Variants in NSMCE1 observed in about 807,000 individuals in gnomAD.
NSMCE1 encodes NSE1 component of SMC5/6 complex.
NSMCE1 carries 18 observed loss-of-function variants against 29.6 expected under a neutral mutation model. That is an observed-to-expected ratio of 0.61 (90% CI 0.42 to 0.90). NSMCE1 has a LOEUF of 0.90. Among genes scored for constraint, NSMCE1 ranks in the 40% least tolerant of loss-of-function variants. The probability of loss-of-function intolerance (pLI) is 0.00; values close to 1 mark genes in which losing one functional copy is unlikely to be tolerated. For missense variants in NSMCE1, 314 were observed against 343.6 expected (o/e 0.91, Z 0.68); for synonymous variants, 124 against 133.4 (o/e 0.93, Z 0.49).
intron 2 of NSMCE1, among the ~76,000 whole-genome samples, chr16:27,254,866 CTTTTTTTTTTTTT>C (rs61088115): frequency 1.1e-4 from 5 of 46,894 alleles, no homozygotes; most frequent in African/African-American, 3.6e-4. Flanking sequence ...TCCAACCATG[CTTTTTTTTTTTTT>C]TTTTTTTTTT....
intron 6 of NSMCE1, 184 bp downstream of exon 6, chr16:27,226,536 T>C (rs1596667167): frequency 1.8e-6 from 1 of 563,238 alleles, no homozygotes; most frequent in East Asian, 2.9e-5. Context: ...AGTGCGTCCC[T>C]GCGGGGCACA....
At position 27,232,145 on chromosome 16, in the gene NSMCE1, C is replaced by T. The variant is rs1459705233; in HGVS notation, c.483+856G>A. On this transcript the variant is annotated intron_variant, in intron 5 of 7. Coordinates refer to ENST00000361439, the MANE Select transcript of NSMCE1 (RefSeq NM_145080.4). This position sits in a 1 kb window ranked among gnomAD's most constrained non-coding sequence, Gnocchi z 4.5. ...AGGAAGCGGAGAATCGCTGCAGCCA[C>T]AAGCAGCAGCCTCTGGCCACGAGTC... Among the ~76,000 whole-genome samples, 1 of 152,184 alleles carries T rather than the reference C, an allele frequency of 6.6e-6. No homozygotes were observed. The highest frequency in any genetic ancestry group is 1.5e-5 in the Non-Finnish European group (1 of 68,036).
At chr16:27,236,292 C>CTTTTTT (rs35108912) in intron 2 of NSMCE1, among the ~76,000 whole-genome samples, 3 of 92,154 alleles carry the variant, frequency 3.3e-5, no homozygotes, top group Non-Finnish European at 4.0e-5. Context: ...TGCTGTGAAA[C>CTTTTTT]TTTTTTTTTT....
At chr16:27,238,972 C>A (rs1157637070) in intron 2 of NSMCE1, among the ~76,000 whole-genome samples, 3 of 151,862 alleles carry the variant, frequency 2.0e-5, no homozygotes, top group Middle Eastern at 3.2e-3. Flanking sequence ...CAGGTTCAAG[C>A]GATCCTCCTG....
intron 3 of NSMCE1, 85 bp downstream of exon 3, chr16:27,235,093 A>C: frequency 1.5e-6 from 2 of 1,345,748 alleles, no homozygotes; most frequent in South Asian, 2.6e-5. Flanking sequence ...TCCAAAAGAG[A>C]AATCAAACCA....
At chr16:27,265,161 C>T (rs1353180048) in intron 1 of NSMCE1, among the ~76,000 whole-genome samples, 6 of 82,674 alleles carry the variant, frequency 7.3e-5, no homozygotes, top group Non-Finnish European at 6.6e-5. Context: ...AATTCTTTTC[C>T]TTTTTTTTTT....
chr16:27,225,681 C>T (rs1371535755), intron 7 of NSMCE1, 45 bp downstream of exon 7: 1 of 1,610,706 alleles, frequency 6.2e-7, no homozygotes, highest in East Asian at 2.2e-5. Context: ...GGCCCCACGT[C>T]CTGCTGGCCC....
intron 5 of NSMCE1, among the ~76,000 whole-genome samples, chr16:27,230,108 C>T (rs2083747173): frequency 6.6e-6 from 1 of 151,556 alleles, no homozygotes; most frequent in South Asian, 2.1e-4. Context: ...CGCCGATCAG[C>T]AGACGCCCAG....
chr16:27,243,099 A>G (rs1461309530), intron 2 of NSMCE1, among the ~76,000 whole-genome samples: 1 of 152,250 alleles, frequency 6.6e-6, no homozygotes, highest in Non-Finnish European at 1.5e-5. Context: ...AGAAGGCAGC[A>G]CTGCTCTGCT....
intron 1 of NSMCE1, chr16:27,258,259 C>G (rs1188493248): frequency 6.6e-6 from 1 of 152,226 alleles, no homozygotes; most frequent in Non-Finnish European, 1.5e-5. Context: ...CCACAAAGAT[C>G]ACAGTTAATA....
At chr16:27,251,179 TATATATATATAA>T (rs1158735423) in intron 2 of NSMCE1, among the ~76,000 whole-genome samples, 615 of 53,404 alleles carry the variant, frequency 0.012, 2 homozygotes, top group African/African-American at 0.097. Flanking sequence ...TATATATATA[TATATATATATAA>T]ATATATATAT....
chr16:27,240,776 A>C (rs953021338), intron 2 of NSMCE1, among the ~76,000 whole-genome samples: 3 of 152,212 alleles, frequency 2.0e-5, no homozygotes, highest in African/African-American at 4.8e-5. Context: ...CTTTTCTTTT[A>C]AAATTAAATT....
intron 1 of NSMCE1, among the ~76,000 whole-genome samples, chr16:27,260,481 G>T (rs2084142470): frequency 6.6e-6 from 1 of 152,032 alleles, no homozygotes; most frequent in Non-Finnish European, 1.5e-5. Flanking sequence ...AGTAAGTCAG[G>T]AGAAATAATC....
At chr16:27,248,335 C>T (rs1407534600) in intron 2 of NSMCE1, among the ~76,000 whole-genome samples, 1 of 151,892 alleles carries the variant, frequency 6.6e-6, no homozygotes, top group Non-Finnish European at 1.5e-5. Flanking sequence ...CCAATACTTG[C>T]CTTGCAGAGT....
At chr16:27,231,359 G>A (rs539079394) in intron 5 of NSMCE1, among the ~76,000 whole-genome samples, 2 of 152,330 alleles carry the variant, frequency 1.3e-5, no homozygotes, top group South Asian at 2.1e-4. Context: ...GCCTGTGGCC[G>A]GGCACGCTGG....
intron 5 of NSMCE1, among the ~76,000 whole-genome samples, chr16:27,231,796 C>T (rs1327423364): frequency 3.3e-5 from 5 of 152,204 alleles, no homozygotes; most frequent in Non-Finnish European, 7.3e-5. Flanking sequence ...AGTCCCCAAA[C>T]CGGGGCCTGA....
chr16:27,258,564 C>G (rs143947490), intron 1 of NSMCE1, among the ~76,000 whole-genome samples: 1 of 152,294 alleles, frequency 6.6e-6, no homozygotes, highest in African/African-American at 2.4e-5. Flanking sequence ...ATACAGCAGG[C>G]AAACATTTTT....
At chr16:27,248,328 A>G (rs923127453) in intron 2 of NSMCE1, among the ~76,000 whole-genome samples, 1 of 151,738 alleles carries the variant, frequency 6.6e-6, no homozygotes, top group Non-Finnish European at 1.5e-5. Context: ...GTTCTCACCA[A>G]TACTTGCCTT....
At chr16:27,247,657 T>C (rs2083971796) in intron 2 of NSMCE1, among the ~76,000 whole-genome samples, 1 of 152,166 alleles carries the variant, frequency 6.6e-6, no homozygotes, top group African/African-American at 2.4e-5. Flanking sequence ...CCGGGCACAG[T>C]GGCTCACACC....
Sources: gnomAD v4.1 joint callset for allele counts (sites outside exome capture counted in the v4.1 genomes callset) on GRCh38, gnomAD v4.1.1 for gene constraint, Gnocchi (gnomAD v3.1) non-coding constraint, MANE v1.5 for transcripts, NCBI Gene and HGNC (gene_info 2026-07-23, HGNC 2026-07-21) for gene names.